The following WIZ variants were observed in gnomAD, a reference collection of about 807,000 sequenced individuals.
WIZ encodes protein Wiz.
Under a neutral mutation model 140.2 loss-of-function variants are expected in WIZ, and 25 were observed. The ratio of observed to expected loss-of-function variants is 0.18; its 90% confidence interval spans 0.13 to 0.25. The LOEUF is 0.25. Among genes scored for constraint, WIZ ranks in the 10% least tolerant of loss-of-function variants. WIZ has a pLI of 1.00. For synonymous variants in WIZ, 1,125 were observed against 1,154.3 expected (o/e 0.97, Z 0.51); for missense variants, 2,231 against 2,632.6 (o/e 0.85, Z 3.34).
rs765066397 is a variant in WIZ, at chr19:15,429,645, C to T, written c.3356G>A (p.Arg1119Gln). 56 of 1,419,560 alleles carry T rather than the reference C, an allele frequency of 3.9e-5. No individual in the cohort carries two copies. Among genetic ancestry groups the T allele is most frequent in the Non-Finnish European group, 4.7e-5 (51 of 1,089,868 alleles). 87.9% of individuals were successfully genotyped at this position (1,419,560 alleles called of 1,614,324 possible). Residue 1119 changes from arginine (R) to glutamine (Q), a missense_variant, in exon 7 of 13, where the codon CGG becomes CAG. Transcript: ENST00000673675. ...CCACTGTGCCTTTGGGGAGGCCGGC[C>T]GGGGGCTCAGGGACAGCTGGGGGCT... ...DKSPQLSLSP[R>Q]PASPKAQWPQ...
In WIZ at chr19:15,425,537, G is replaced by A. The variant is rs767517508; in HGVS notation, c.4598C>T (p.Ala1533Val). ...PPAGDLAPALAEDGPPTVAPG... is the reference protein window; with the variant it reads ...PPAGDLAPALVEDGPPTVAPG... ...GGCCACGGTGGGAGGCCCGTCCTCA[G>A]CCAGGGCAGGGGCCAGGTCTCCAGC... The change falls in exon 10 of 13, where the codon GCT (alanine) becomes GTT (valine). Residue 1533 changes from alanine to valine, a missense_variant. Physicochemically the swap from Ala to Val is moderately conservative, Grantham distance 64. Around this residue, in one of 15 missense-constraint regions of WIZ, gnomAD observed 393 missense variants for 451.7 expected, o/e 0.87. Coordinates refer to ENST00000673675, the MANE Select transcript of WIZ (RefSeq NM_001371589.1). 2 of 1,612,132 alleles carry A rather than the reference G, an allele frequency of 1.2e-6. No individual in the cohort carries two copies. The highest frequency in any genetic ancestry group is 1.1e-5 in the South Asian group (1 of 91,038).
At chr19:15,444,108 T>C (rs950793255) in intron 2 of WIZ, among the ~76,000 whole-genome samples, 10 of 152,178 alleles carry the variant, frequency 6.6e-5, no homozygotes, top group African/African-American at 2.2e-4. Flanking sequence ...GCCCGACAGA[T>C]GCAATTGTTG....
At chr19:15,436,543 G>T in intron 5 of WIZ, 1 of 449,808 alleles carries the variant, frequency 2.2e-6, no homozygotes, top group South Asian at 3.7e-5. Flanking sequence ...CCCAGTAAAA[G>T]CTCAGTAAGC....
At position 15,425,488 on chromosome 19, in the gene WIZ, C is replaced by T; in HGVS notation, c.4647G>A (p.Leu1549=). 2 of 1,608,106 alleles carry T rather than the reference C, an allele frequency of 1.2e-6. No individual in the cohort carries two copies. Among genetic ancestry groups the T allele is most frequent in the Non-Finnish European group, 1.7e-6 (2 of 1,177,590 alleles). The part of the protein sequence containing the change: ...TVAPGPVQSP[L]PLSPLAGRPG... ...GCCGGCCAGCCAGGGGCGACAGCGG[C>T]AGTGGGGACTGCACGGGCCCAGGGG... is the stretch of plus-strand genomic sequence containing the variant. The change falls in exon 10 of 13, where the codon CTG becomes CTA. Residue 1549 remains leucine (L), a synonymous_variant. Transcript: ENST00000673675.
At position 15,439,691 on chromosome 19, in the gene WIZ, G is replaced by C. The variant is rs899755069; in HGVS notation, c.1303C>G (p.Pro435Ala). ...REPPGQTTKE[P>A]FGGSSGAGSP... Reference sequence around the variant, plus strand: ...CCAGCCCCGCTGCTGCCTCCAAAAGGCTCTTTGGTGGTCTGGCCTGGGGGC... The same window carrying C: ...CCAGCCCCGCTGCTGCCTCCAAAAGCCTCTTTGGTGGTCTGGCCTGGGGGC... The change falls in exon 4 of 13, where the codon CCT becomes GCT. Residue 435 changes from proline (P) to alanine (A), a missense_variant. Coordinates refer to ENST00000673675, the MANE Select transcript of WIZ (RefSeq NM_001371589.1). This position sits in a 1 kb window ranked among gnomAD's most constrained non-coding sequence, Gnocchi z 7.0. 66 of 1,499,774 alleles carry C rather than the reference G, an allele frequency of 4.4e-5. No homozygotes were observed. The highest frequency in any genetic ancestry group is 5.2e-5 in the Non-Finnish European group (59 of 1,131,348). The allele number at this position is 1,499,774 out of a possible 1,614,324, so 92.9% of individuals were successfully genotyped here.
chr19:15,426,597 A>G (rs1465413252), intron 9 of WIZ, among the ~76,000 whole-genome samples: 1 of 152,222 alleles, frequency 6.6e-6, no homozygotes, highest in East Asian at 1.9e-4. Context: ...TTAATTACCA[A>G]AAATGTCAGA....
Position 15,429,920 on chromosome 19 carries a change from G to A in WIZ, c.3081C>T (p.Asp1027=), listed in dbSNP as rs556557961. The change falls in exon 7 of 13, where the codon GAC becomes GAT. Residue 1027 remains aspartate (D), a synonymous_variant. Transcript: ENST00000673675. Reference sequence around the variant, plus strand: ...GGCCTGGGGGCAGCCCAAGGTGGGCGTCAGGCAGACCCTTCTGCTTCACAA... The same window carrying A: ...GGCCTGGGGGCAGCCCAAGGTGGGCATCAGGCAGACCCTTCTGCTTCACAA... The part of the protein sequence containing the change: ...YELVKQKGLP[D]AHLGLPPGLA... 1.2e-5 allele frequency: 19 copies of A among 1,536,016 alleles called. No individual in the cohort carries two copies. Among genetic ancestry groups the A allele is most frequent in the East Asian group, 4.9e-5 (2 of 40,890 alleles).
rs1420035263 is a variant in WIZ, at chr19:15,439,134, C to T, written c.1860G>A (p.Glu620=). ...RRPWSEEEEE[E]EEEEDVVLTS... The stretch of plus-strand genomic sequence containing the variant: ...TCAGCACTACATCCTCCTCCTCCTC[C>T]TCCTCCTCCTCCTCTTCGCTCCAAG... The change falls in exon 4 of 13, where the codon GAG becomes GAA. Residue 620 remains glutamate, a synonymous_variant. Coordinates refer to ENST00000673675, the MANE Select transcript of WIZ (RefSeq NM_001371589.1). The surrounding 1 kb of genome is among the most constrained non-coding windows in gnomAD (Gnocchi z 7.0). 6.6e-7 allele frequency: 1 copy of T among 1,512,086 alleles called. No homozygotes were observed. The highest frequency in any genetic ancestry group is 8.8e-7 in the Non-Finnish European group (1 of 1,132,774). The allele number at this position is 1,512,086 out of a possible 1,614,324, so 93.7% of individuals were successfully genotyped here.
Position 15,437,059 on chromosome 19 carries a change from C to T in WIZ, c.2487G>A (p.Arg829=), listed in dbSNP as rs376885063. Reference sequence around the variant, plus strand: ...CCCGGGCGTGGCTGGAGAGGCCGGCCCGTGTGTCGAAGCCAGCCCCGCAGA... The same window carrying T: ...CCCGGGCGTGGCTGGAGAGGCCGGCTCGTGTGTCGAAGCCAGCCCCGCAGA... The part of the protein sequence containing the change: ...CDFCGAGFDT[R]AGLSSHARAH... Residue 829 remains arginine (R), a synonymous_variant, in exon 5 of 13, where the codon CGG becomes CGA. Coordinates refer to ENST00000673675, the MANE Select transcript of WIZ (RefSeq NM_001371589.1). The T allele has an allele frequency of 2.5e-6, 4 of 1,613,122 alleles. No individual in the cohort carries two copies. The highest frequency in any genetic ancestry group is 2.5e-6 in the Non-Finnish European group (3 of 1,179,752).
intron 4 of WIZ, 61 bp from the exon 5 acceptor site, chr19:15,437,190 C>A: frequency 6.9e-7 from 1 of 1,446,238 alleles, no homozygotes; most frequent in Admixed American, 2.7e-5. Context: ...GCCCCAACCC[C>A]TCCCCATATT....
chr19:15,445,609 G>T (rs540482079), intron 2 of WIZ, among the ~76,000 whole-genome samples: 5 of 151,130 alleles, frequency 3.3e-5, no homozygotes, highest in Admixed American at 2.0e-4. Flanking sequence ...CAGCAGAAAT[G>T]ATATGTCATT....
intron 5 of WIZ, chr19:15,433,066 T>A (rs1464501287): frequency 5.8e-6 from 1 of 172,502 alleles, no homozygotes; most frequent in African/African-American, 2.4e-5. Context: ...TCAAAACTCT[T>A]AAGAGCCCCG....
Position 15,424,947 on chromosome 19 carries a change from C to G in WIZ, c.4980G>C (p.Gln1660His), listed in dbSNP as rs1189174665. The change falls in exon 11 of 13, where the codon CAG (glutamine) becomes CAC (histidine). Residue 1660 changes from glutamine (Q) to histidine (H), a missense_variant. This residue lies in a region of WIZ where 18 missense variants were observed against 61.4 expected (regional missense o/e 0.29). Coordinates refer to ENST00000673675, the MANE Select transcript of WIZ (RefSeq NM_001371589.1). This position sits in a 1 kb window ranked among gnomAD's most constrained non-coding sequence, Gnocchi z 9.7. ...LASHARAHLR[Q>H]FGVTEWCVNG... is the part of the protein sequence containing the mutation. ...TGACGCACCACTCGGTCACGCCGAA[C>G]TGCCGCAGGTGTGCCCGTGCGTGGC... 1 of 1,609,476 alleles carries G rather than the reference C, an allele frequency of 6.2e-7. No homozygotes were observed. Among genetic ancestry groups the G allele is most frequent in the East Asian group, 2.2e-5 (1 of 44,756 alleles).
At position 15,425,461 on chromosome 19, in the gene WIZ, T is replaced by TGGCC; in HGVS notation, c.4670_4673dup (p.Gly1559AlafsTer14). On this transcript the variant is annotated frameshift_variant, in exon 10 of 13. Transcript: ENST00000673675. LOFTEE classifies it high-confidence loss of function. Reference sequence around the variant, plus strand: ...GGGCCGGCCCTGCACCTGGTTTGCCTGGCCGGCCAGCCAGGGGCGACAGCG... The same window carrying TGGCC: ...GGGCCGGCCCTGCACCTGGTTTGCCTGGCCGGCCGGCCAGCCAGGGGCGACAGCG... The TGGCC allele has an allele frequency of 6.3e-7, 1 of 1,590,294 alleles. No homozygotes were observed. Among genetic ancestry groups the TGGCC allele is most frequent in the Non-Finnish European group, 8.6e-7 (1 of 1,168,250 alleles).
rs902502320 is a variant in WIZ at position 15,432,354 on chromosome 19, G to C, written c.2741-1172C>G. On this transcript the variant is annotated intron_variant, in intron 5 of 12. Transcript: ENST00000673675. ...AGGGGGGGGTCCCGCAGACTGGACG[G>C]AAGGCGTCGGGGGCGGCGGCACCGG... 1.1e-5 allele frequency: 9 copies of C among 837,046 alleles called. No homozygotes were observed. The African/African-American group carries it at 1.7e-4, about 15-fold the overall frequency. 51.9% of individuals were successfully genotyped at this position (837,046 alleles called of 1,614,324 possible).
chr19:15,422,963 G>A lies in WIZ; in HGVS notation c.*113C>T. ...CGGCCCCCAAGGGGCGCCGGTTTGA[G>A]GTTTTGGCTTGCTCCTTTGGAAACG... is the stretch of plus-strand genomic sequence containing the variant. On this transcript the variant is annotated 3_prime_UTR_variant, in exon 13 of 13. Coordinates refer to ENST00000673675, the MANE Select transcript of WIZ (RefSeq NM_001371589.1). 1 of 1,470,582 alleles carries A rather than the reference G, an allele frequency of 6.8e-7. No individual in the cohort carries two copies. The highest frequency in any genetic ancestry group is 9.0e-7 in the Non-Finnish European group (1 of 1,106,616). The allele number at this position is 1,470,582 out of a possible 1,614,324, so 91.1% of individuals were successfully genotyped here. A position where few individuals can be genotyped will look rare whatever the true frequency, so the allele number is the denominator to read the frequency against.
At position 15,429,805 on chromosome 19, in the gene WIZ, C is replaced by T. The variant is rs1969105989; in HGVS notation, c.3196G>A (p.Ala1066Thr). 3 of 1,526,182 alleles carry T rather than the reference C, an allele frequency of 2.0e-6. No homozygotes were observed. The East Asian group carries it at 7.4e-5, about 38-fold the overall frequency. The allele number at this position is 1,526,182 out of a possible 1,614,324, so 94.5% of individuals were successfully genotyped here. The stretch of plus-strand genomic sequence containing the variant: ...GGCGACTTGATGGCTTTGTTGACAG[C>T]AGGGGCATCCAAGGGCTTGGCCAGG... ...LSLAKPLDAP[A>T]VNKAIKSPPG... The change falls in exon 7 of 13, where the codon GCT (alanine) becomes ACT (threonine). Residue 1066 changes from alanine (A) to threonine (T), a missense_variant. This residue lies in a region of WIZ where 163 missense variants were observed against 166.8 expected (regional missense o/e 0.98). Coordinates refer to ENST00000673675, the MANE Select transcript of WIZ (RefSeq NM_001371589.1).
At position 15,440,286 on chromosome 19, in the gene WIZ, G is replaced by T; in HGVS notation, c.708C>A (p.Gly236=). The T allele has an allele frequency of 6.7e-7, 1 of 1,493,488 alleles. No homozygotes were observed. Among genetic ancestry groups the T allele is most frequent in the Non-Finnish European group, 8.9e-7 (1 of 1,124,582 alleles). The allele number at this position is 1,493,488 out of a possible 1,614,324, so 92.5% of individuals were successfully genotyped here. ...CCTCCAGGTCCTCCAGATCTTCTCT[G>T]CCACCCACCACCGCCATGTCCAGCG... ...PKTLDMAVVG[G]REDLEDLEGL... is the part of the protein sequence containing the mutation. The change falls in exon 4 of 13, where the codon GGC becomes GGA. Residue 236 remains glycine, a synonymous_variant. Transcript: ENST00000673675. The surrounding 1 kb of genome is among the most constrained non-coding windows in gnomAD (Gnocchi z 6.2).
In WIZ at chr19:15,439,547, C is replaced by T. The variant is rs974772516; in HGVS notation, c.1447G>A (p.Val483Met). Residue 483 changes from valine to methionine, a missense_variant, in exon 4 of 13, where the codon GTG becomes ATG. Physicochemically the swap from Val to Met is conservative, Grantham distance 21 (BLOSUM62 1). Around this residue, in one of 15 missense-constraint regions of WIZ, gnomAD observed 475 missense variants for 520.2 expected, o/e 0.91. Coordinates refer to ENST00000673675, the MANE Select transcript of WIZ (RefSeq NM_001371589.1). The surrounding 1 kb of genome is among the most constrained non-coding windows in gnomAD (Gnocchi z 7.0). The part of the protein sequence containing the change: ...APSESLLREH[V>M]RLVHAHPHWE... ...TGGGGATGGGCATGCACCAGCCTCACGTGCTCCCTGAGCAGGCTCTCGCTG... is the reference window on the plus strand; with the variant it reads ...TGGGGATGGGCATGCACCAGCCTCATGTGCTCCCTGAGCAGGCTCTCGCTG... 1.9e-5 allele frequency: 29 copies of T among 1,516,800 alleles called. No homozygotes were observed. Among genetic ancestry groups the T allele is most frequent in the East Asian group, 2.5e-5 (1 of 40,712 alleles). 94.0% of individuals were successfully genotyped at this position (1,516,800 alleles called of 1,614,324 possible).
Sources: gnomAD v4.1 joint callset for allele counts (sites outside exome capture counted in the v4.1 genomes callset) on GRCh38, gnomAD v4.1.1 for gene constraint, gnomAD v4.1.1 regional missense constraint, Gnocchi (gnomAD v3.1) non-coding constraint, MANE v1.5 for transcripts, NCBI Gene and HGNC (gene_info 2026-07-23, HGNC 2026-07-21) for gene names.